BICD1: variants seen among roughly 807,000 people sequenced by gnomAD.
BICD1 encodes the protein BICD cargo adaptor 1.
Under a neutral mutation model 92.5 loss-of-function variants are expected in BICD1, and 35 were observed. The observed-to-expected ratio is 0.38, with a 90% CI of 0.29 to 0.50. BICD1 has a LOEUF of 0.50. BICD1 is among the 20% of genes least tolerant of loss of function. The pLI is 0.93. For missense variants in BICD1, 950 were observed against 1,189.8 expected (o/e 0.80, Z 2.97); for synonymous variants, 429 against 465.1 (o/e 0.92, Z 1.00).
In BICD1 at chr12:32,313,716, C is replaced by T. The variant is rs1948433545; in HGVS notation, c.1005+7594C>T. Among the ~76,000 whole-genome samples, 1 of 152,174 alleles carries T rather than the reference C, an allele frequency of 6.6e-6. No individual in the cohort carries two copies. Among genetic ancestry groups the T allele is most frequent in the African/African-American group, 2.4e-5 (1 of 41,454 alleles). The stretch of plus-strand genomic sequence containing the variant: ...ACTAGCTGGGCGCAGTGGCTCATAC[C>T]TGTAATCCCAGCACTTCGGAAGGCT... On this transcript the variant is annotated intron_variant, in intron 4 of 9. Coordinates refer to ENST00000652176, the MANE Select transcript of BICD1 (RefSeq NM_001714.4). This position sits in a 1 kb window ranked among gnomAD's most constrained non-coding sequence, Gnocchi z 4.2.
chr12:32,244,836 C>T (rs1465643144), intron 2 of BICD1, among the ~76,000 whole-genome samples: 2 of 152,068 alleles, frequency 1.3e-5, no homozygotes, highest in African/African-American at 2.4e-5. Context: ...ACCATGTTGG[C>T]CAGTATGATC....
At chr12:32,239,541 A>G (rs1429760139) in intron 2 of BICD1, among the ~76,000 whole-genome samples, 1 of 146,976 alleles carries the variant, frequency 6.8e-6, no homozygotes, top group Non-Finnish European at 1.5e-5. Context: ...ACTCCAGTGC[A>G]GTGGAGTGCA....
chr12:32,353,284 T>G (rs1938963767), intron 8 of BICD1: 2 of 152,220 alleles, frequency 1.3e-5, no homozygotes, highest in Non-Finnish European at 2.9e-5. Context: ...ATTTTCAAGA[T>G]ATCTAGTATT....
At chr12:32,270,528 T>C (rs904181338) in intron 2 of BICD1, among the ~76,000 whole-genome samples, 2 of 152,314 alleles carry the variant, frequency 1.3e-5, no homozygotes, top group Non-Finnish European at 2.9e-5. Context: ...TTTGATTAAT[T>C]AAATGGTGAA....
chr12:32,207,155 A>G (rs1449716170), intron 1 of BICD1, among the ~76,000 whole-genome samples: 1 of 152,208 alleles, frequency 6.6e-6, no homozygotes, highest in African/African-American at 2.4e-5. Flanking sequence ...TTCTTAAACT[A>G]TAGGAATTCA....
intron 1 of BICD1, among the ~76,000 whole-genome samples, chr12:32,138,515 ATT>A (rs1431611223): frequency 6.6e-6 from 1 of 152,052 alleles, no homozygotes; most frequent in Non-Finnish European, 1.5e-5. Context: ...CTTTATAATT[ATT>A]TTTTGACTTT....
At chr12:32,252,062 T>TTATAATAAATATC (rs1946550393) in intron 2 of BICD1, among the ~76,000 whole-genome samples, 18 of 44,184 alleles carry the variant, frequency 4.1e-4, no homozygotes, top group African/African-American at 1.6e-3. Context: ...TATTATATAT[T>TTATAATAAATATC]ATATATTTAT....
chr12:32,122,172 C>T (rs973374315), intron 1 of BICD1, among the ~76,000 whole-genome samples: 2 of 151,974 alleles, frequency 1.3e-5, no homozygotes, highest in African/African-American at 2.4e-5. Flanking sequence ...TAAGGCTGGG[C>T]GCGCTGGCTC....
intron 5 of BICD1, chr12:32,332,574 C>A: frequency 4.2e-6 from 2 of 474,252 alleles, no homozygotes; most frequent in Non-Finnish European, 5.5e-6. Context: ...GAAGACTCAG[C>A]CTCCTGGGGA....
chr12:32,263,314 C>A (rs1946904574), intron 2 of BICD1, among the ~76,000 whole-genome samples: 2 of 151,972 alleles, frequency 1.3e-5, no homozygotes, highest in Admixed American at 1.3e-4. Flanking sequence ...TTTGGGAGGC[C>A]GAGGCGGGTG....
chr12:32,132,974 A>G (rs760842804), intron 1 of BICD1, among the ~76,000 whole-genome samples: 10 of 152,140 alleles, frequency 6.6e-5, no homozygotes, highest in Non-Finnish European at 1.2e-4. Flanking sequence ...TTGCTAATTA[A>G]TTAAATATGG....
rs1461399598 is a variant in BICD1, at chr12:32,328,254, T to A, written c.1799T>A (p.Ile600Asn). 6.2e-7 allele frequency: 1 copy of A among 1,613,990 alleles called. No individual in the cohort carries two copies. The highest frequency in any genetic ancestry group is 8.5e-7 in the Non-Finnish European group (1 of 1,180,004). ...CCAAGTCCAACTAAGACCCCCACAA[T>A]CTCTCCTGTTATTACTGCCCCACCG... ...KEPSPTKTPTISPVITAPPSS... is the reference protein window; with the variant it reads ...KEPSPTKTPTNSPVITAPPSS... Residue 600 changes from isoleucine to asparagine, a missense_variant, in exon 5 of 10, where the codon ATC (isoleucine) becomes AAC (asparagine). Around this residue, in one of 5 missense-constraint regions of BICD1, gnomAD observed 309 missense variants for 499.4 expected, o/e 0.62. Coordinates refer to ENST00000652176, the MANE Select transcript of BICD1 (RefSeq NM_001714.4). The surrounding 1 kb of genome is among the most constrained non-coding windows in gnomAD (Gnocchi z 4.4).
At chr12:32,284,865 A>G (rs1318587093) in intron 2 of BICD1, among the ~76,000 whole-genome samples, 3 of 152,164 alleles carry the variant, frequency 2.0e-5, no homozygotes, top group Admixed American at 6.5e-5. Flanking sequence ...TCCTCCCACT[A>G]CTTCAGAGGT....
chr12:32,253,888 GT>G (rs1946636603), intron 2 of BICD1, among the ~76,000 whole-genome samples: 1 of 106,312 alleles, frequency 9.4e-6, no homozygotes, highest in Non-Finnish European at 2.2e-5. Flanking sequence ...TATCCCACCT[GT>G]CATAATCACT....
intron 3 of BICD1, among the ~76,000 whole-genome samples, chr12:32,298,619 C>G (rs1489414235): frequency 6.8e-6 from 1 of 147,056 alleles, no homozygotes; most frequent in Non-Finnish European, 1.5e-5. Flanking sequence ...GCCTGTAATC[C>G]CAGCACTTGG....
At chr12:32,223,621 T>G (rs898203159) in intron 2 of BICD1, among the ~76,000 whole-genome samples, 1 of 152,168 alleles carries the variant, frequency 6.6e-6, no homozygotes, top group Non-Finnish European at 1.5e-5. Context: ...GAAATGAGAC[T>G]GTTTCGCTTT....
At position 32,180,182 on chromosome 12, in the gene BICD1, C is replaced by A. The variant is rs528852745; in HGVS notation, c.214-36065C>A. Among the ~76,000 whole-genome samples the A allele has an allele frequency of 7.2e-5, 11 of 151,828 alleles. No individual in the cohort carries two copies. The East Asian group carries it at 2.1e-3, about 29-fold the overall frequency. On this transcript the variant is annotated intron_variant, in intron 1 of 9. Transcript: ENST00000652176. The stretch of plus-strand genomic sequence containing the variant: ...AAGTATAGATGTGGCCGTCTATGTC[C>A]CTGAGCTTCTGGGTTCAATAATCAG...
At chr12:32,340,536 A>G in intron 8 of BICD1, 13 of 925,116 alleles carry the variant, frequency 1.4e-5, no homozygotes, top group Non-Finnish European at 1.7e-5. Flanking sequence ...TTAATAAATA[A>G]CTCCTATTGC....
chr12:32,161,268 A>G (rs1349382277), intron 1 of BICD1, among the ~76,000 whole-genome samples: 1 of 152,236 alleles, frequency 6.6e-6, no homozygotes, highest in East Asian at 1.9e-4. Flanking sequence ...AACAAATGAA[A>G]GGGAGCTGAC....
Sources: gnomAD v4.1 joint callset for allele counts (sites outside exome capture counted in the v4.1 genomes callset) on GRCh38, gnomAD v4.1.1 for gene constraint, gnomAD v4.1.1 regional missense constraint, Gnocchi (gnomAD v3.1) non-coding constraint, MANE v1.5 for transcripts, NCBI Gene and HGNC (gene_info 2026-07-23, HGNC 2026-07-21) for gene names.